EPB41L4B: variants seen among roughly 807,000 people sequenced by gnomAD.
EPB41L4B encodes the protein band 4.1-like protein 4B.
In EPB41L4B, 30 loss-of-function variants were observed where a neutral mutation model predicts 112.5. The ratio of observed to expected loss-of-function variants is 0.27; its 90% CI spans 0.20 to 0.36. The LOEUF (loss-of-function observed/expected upper bound fraction) is 0.36, where lower values mean the gene tolerates loss of function less well. Among genes scored for constraint, EPB41L4B ranks in the 10% least tolerant of loss-of-function variants. The probability of loss-of-function intolerance (pLI) is 1.00; values close to 1 mark genes in which losing one functional copy is unlikely to be tolerated. For synonymous variants in EPB41L4B, 408 were observed against 439.7 expected, an observed-to-expected ratio of 0.93 and a Z score of 0.90; for missense variants, 1,024 against 1,133.3, an observed-to-expected ratio of 0.90 and a Z score of 1.38.
intron 15 of EPB41L4B, among the ~76,000 whole-genome samples, chr9:109,229,795 T>C (rs985023068): frequency 1.3e-5 from 2 of 152,190 alleles, no homozygotes; most frequent in African/African-American, 4.8e-5. Context: ...CTCCCAGTCC[T>C]TGGAGTAAGT....
chr9:109,265,143 G>A (rs1835353497), intron 4 of EPB41L4B, 119 bp from the exon 5 acceptor site: 2 of 786,726 alleles, frequency 2.5e-6, no homozygotes, highest in Admixed American at 3.0e-5. Flanking sequence ...TGTAAAAAAG[G>A]AGTCCAAATC....
intron 6 of EPB41L4B, 88 bp downstream of exon 6, chr9:109,262,962 C>T (rs920224766): frequency 1.1e-6 from 1 of 906,404 alleles, no homozygotes; most frequent in Admixed American, 2.4e-5. Context: ...CAAAGCTAAG[C>T]ACTGGGCCTG....
chr9:109,229,209 A>G (rs545066023), intron 15 of EPB41L4B, among the ~76,000 whole-genome samples: 1 of 152,156 alleles, frequency 6.6e-6, no homozygotes, highest in Non-Finnish European at 1.5e-5. Flanking sequence ...TTACTTACAC[A>G]TTTCCAATGC....
intron 18 of EPB41L4B, among the ~76,000 whole-genome samples, chr9:109,205,444 T>C (rs1004526370): frequency 5.3e-5 from 8 of 152,226 alleles, no homozygotes; most frequent in African/African-American, 1.9e-4. Context: ...TGGGAACATG[T>C]TACAACTTTC....
intron 1 of EPB41L4B, among the ~76,000 whole-genome samples, chr9:109,297,430 A>G (rs1836774153): frequency 6.6e-6 from 1 of 152,154 alleles, no homozygotes; most frequent in African/African-American, 2.4e-5. Flanking sequence ...ACTACTTACA[A>G]CCAGCATGAC....
At chr9:109,219,562 G>A (rs1005948865) in intron 15 of EPB41L4B, among the ~76,000 whole-genome samples, 2 of 152,114 alleles carry the variant, frequency 1.3e-5, no homozygotes, top group Middle Eastern at 3.4e-3. Context: ...GGGTTTCACC[G>A]TGTTAGCCAG....
At chr9:109,248,448 T>C (rs1160071330) in intron 13 of EPB41L4B, among the ~76,000 whole-genome samples, 1 of 152,024 alleles carries the variant, frequency 6.6e-6, no homozygotes, top group Non-Finnish European at 1.5e-5. Flanking sequence ...TAACAGAGAG[T>C]TGGGAAACCT....
Position 109,320,306 on chromosome 9 carries a change from G to A in EPB41L4B, c.141C>T (p.Ser47=). The A allele has an allele frequency of 9.7e-7, 1 of 1,031,018 alleles. No homozygotes were observed. The highest frequency in any genetic ancestry group is 1.2e-6 in the Non-Finnish European group (1 of 860,768). The allele number at this position is 1,031,018 out of a possible 1,614,324, so 63.9% of individuals were successfully genotyped here. ...PRGGPAAAAS[S]SALPAAPGGS... is the part of the protein sequence containing the mutation. ...CCCCGGGCGCGGCGGGCAGCGCCGA[G>A]GAGGAGGCGGCGGCGGCCGGGCCCC... Residue 47 remains serine (S), a synonymous_variant, in exon 1 of 26, where the codon TCC becomes TCT. Coordinates refer to ENST00000374566, the MANE Select transcript of EPB41L4B (RefSeq NM_019114.5).
intron 17 of EPB41L4B, among the ~76,000 whole-genome samples, chr9:109,209,383 G>A (rs1173499620): frequency 2.0e-5 from 3 of 151,912 alleles, no homozygotes; most frequent in African/African-American, 7.3e-5. Flanking sequence ...ATCATGGGCT[G>A]GGCACGGTGG....
rs1015375473 is a variant in EPB41L4B, at chr9:109,306,599, C to T, written c.306+13542G>A. Among the ~76,000 whole-genome samples, 16 of 127,292 alleles carry T rather than the reference C, an allele frequency of 1.3e-4. 1 individual carries two copies. Among genetic ancestry groups the T allele is most frequent in the African/African-American group, 4.9e-4 (16 of 32,354 alleles). 83.5% of individuals were successfully genotyped at this position (127,292 alleles called of 152,430 possible). A position where few individuals can be genotyped will look rare whatever the true frequency, so the allele number is the denominator to read the frequency against. The stretch of plus-strand genomic sequence containing the variant: ...CTGCACTCCAGCCTGGGCAACAGAG[C>T]GAGCAAAAAAACAAACAAACAAACA... On this transcript the variant is annotated intron_variant, in intron 1 of 25. Coordinates refer to ENST00000374566, the MANE Select transcript of EPB41L4B (RefSeq NM_019114.5).
chr9:109,190,794 G>A (rs1832433734), intron 22 of EPB41L4B, among the ~76,000 whole-genome samples: 1 of 152,244 alleles, frequency 6.6e-6, no homozygotes, highest in Admixed American at 6.5e-5. Context: ...TATATGTGAA[G>A]GACTGGATGA....
chr9:109,228,907 A>C (rs1833867141), intron 15 of EPB41L4B, among the ~76,000 whole-genome samples: 1 of 152,226 alleles, frequency 6.6e-6, no homozygotes, highest in Non-Finnish European at 1.5e-5. Context: ...TGCTTTCTAA[A>C]TTCACAGCCC....
chr9:109,226,607 C>CAT (rs3081622), intron 15 of EPB41L4B, among the ~76,000 whole-genome samples: 4,705 of 90,786 alleles, frequency 0.052, 298 homozygotes, highest in African/African-American at 0.15. Flanking sequence ...TTGGATTTTT[C>CAT]ATATATATAT....
At chr9:109,293,191 G>C (rs1836596625) in intron 1 of EPB41L4B, among the ~76,000 whole-genome samples, 1 of 152,148 alleles carries the variant, frequency 6.6e-6, no homozygotes, top group Admixed American at 6.5e-5. Context: ...AAGATTACCA[G>C]AATGAAAACC....
chr9:109,288,018 C>T (rs1025318011), intron 1 of EPB41L4B, among the ~76,000 whole-genome samples: 1 of 152,246 alleles, frequency 6.6e-6, no homozygotes, highest in East Asian at 1.9e-4. Context: ...TGGTCCCATG[C>T]TACAGTTTGA....
chr9:109,216,670 A>G (rs1453611761), intron 16 of EPB41L4B, among the ~76,000 whole-genome samples: 1 of 151,654 alleles, frequency 6.6e-6, no homozygotes, highest in Non-Finnish European at 1.5e-5. Context: ...AAAGAAAAGA[A>G]AAAAAGAAAG....
intron 12 of EPB41L4B, among the ~76,000 whole-genome samples, chr9:109,252,757 C>T (rs539648055): frequency 4.1e-4 from 62 of 152,192 alleles, no homozygotes; most frequent in Middle Eastern, 3.4e-3. Context: ...CGTCCTAAGT[C>T]GGGGAGCAAC....
At chr9:109,216,832 G>A (rs1034069366) in intron 16 of EPB41L4B, 90 bp downstream of exon 16, 35 of 1,312,726 alleles carry the variant, frequency 2.7e-5, no homozygotes, top group Admixed American at 2.6e-4. Context: ...GTGCTGCACC[G>A]CAAGGGTCTG....
chr9:109,206,252 C>G (rs1355827923), intron 18 of EPB41L4B, among the ~76,000 whole-genome samples: 1 of 152,158 alleles, frequency 6.6e-6, no homozygotes, highest in Non-Finnish European at 1.5e-5. Context: ...GGAGCAATCT[C>G]TGCTCACTGT....
Sources: allele counts gnomAD v4.1 joint callset (sites outside exome capture counted in the v4.1 genomes callset), GRCh38; gene constraint gnomAD v4.1.1; transcripts MANE v1.5; gene names NCBI Gene and HGNC (gene_info 2026-07-23, HGNC 2026-07-21).